Variants in C21orf91 observed in about 807,000 individuals in gnomAD.
C21orf91 encodes the protein chromosome 21 open reading frame 91, also known as protein EURL homolog.
In C21orf91, 26 loss-of-function variants were observed where a neutral mutation model predicts 32.9. That is an observed-to-expected ratio of 0.79 (90% CI 0.58 to 1.10). The LOEUF is 1.10. Among genes scored for constraint, C21orf91 ranks in the 50% least tolerant of loss-of-function variants. The pLI, the probability that C21orf91 is intolerant of heterozygous loss-of-function variation, is 0.00. For synonymous variants in C21orf91, 126 were observed against 120.4 expected (o/e 1.05, Z -0.31); for missense variants, 310 against 341.3 (o/e 0.91, Z 0.72).
chr21:17,818,271 G>A lies in C21orf91; in HGVS notation c.48C>T (p.Asn16=), dbSNP rs776674703. 8 of 1,611,298 alleles carry A rather than the reference G, an allele frequency of 5.0e-6. No individual in the cohort carries two copies. Among genetic ancestry groups the A allele is most frequent in the Non-Finnish European group, 6.8e-6 (8 of 1,177,532 alleles). Residue 16 remains asparagine (N), a synonymous_variant, in exon 2 of 5, where the codon AAC becomes AAT. Transcript: ENST00000284881. The part of the protein sequence containing the change: ...QFVNIDLNDD[N]ICSVCKLGTD... Reference sequence around the variant, plus strand: ...TTCCCAGTTTACAAACACTGCAAATGTTGTCATCATTCAAATCAATGTTTA... The same window carrying A: ...TTCCCAGTTTACAAACACTGCAAATATTGTCATCATTCAAATCAATGTTTA...
intron 2 of C21orf91, chr21:17,810,574 A>G (rs2062626029): frequency 1.3e-5 from 2 of 152,234 alleles, no homozygotes; most frequent in South Asian, 4.1e-4. Flanking sequence ...CGACATCTTC[A>G]CCTGTGCTCA....
At chr21:17,796,538 A>T (rs778867079) in intron 3 of C21orf91, 44 bp downstream of exon 3, 14 of 1,501,410 alleles carry the variant, frequency 9.3e-6, no homozygotes, top group Admixed American at 5.7e-5. Context: ...ATGTACAAAA[A>T]TCCCAAACCA....
intron 2 of C21orf91, among the ~76,000 whole-genome samples, chr21:17,803,306 A>G (rs928441572): frequency 5.9e-5 from 9 of 152,156 alleles, no homozygotes; most frequent in African/African-American, 2.2e-4. Context: ...GGACTGCCTG[A>G]CCCCAGGAAT....
chr21:17,793,571 T>C lies in C21orf91; in HGVS notation c.738A>G (p.Glu246=). The change falls in exon 5 of 5, where the codon GAA becomes GAG. Residue 246 remains glutamate, a synonymous_variant. Transcript: ENST00000284881. ...KLLQQIQEVF[E]ELTHQVQEKD... ...TTTCTTGCACTTGGTGAGTTAACTC[T>C]TCAAAAACTTCTGTAAAAGATTTAA... 1 of 1,605,048 alleles carries C rather than the reference T, an allele frequency of 6.2e-7. No homozygotes were observed. The highest frequency in any genetic ancestry group is 1.1e-5 in the South Asian group (1 of 90,336).
In C21orf91 at chr21:17,796,743, G is replaced by GT. The variant is rs772769196; in HGVS notation, c.502dup (p.Thr168AsnfsTer18). 1.9e-6 allele frequency: 3 copies of GT among 1,614,136 alleles called. No individual in the cohort carries two copies. On this transcript the variant is annotated frameshift_variant, in exon 3 of 5. Coordinates refer to ENST00000284881, the MANE Select transcript of C21orf91 (RefSeq NM_001100420.2). LOFTEE classifies it high-confidence loss of function. Reference sequence around the variant, plus strand: ...TTGTAACATAGAAAGTCCAAAGTCTGTATTTTCCCTCTGCTCCAAAATTCT... The same window carrying GT: ...TTGTAACATAGAAAGTCCAAAGTCTGTTATTTTCCCTCTGCTCCAAAATTCT...
chr21:17,794,861 G>A (rs1455136557), intron 4 of C21orf91, among the ~76,000 whole-genome samples: 1 of 152,008 alleles, frequency 6.6e-6, no homozygotes, highest in African/African-American at 2.4e-5. Flanking sequence ...GAGCCCAGGA[G>A]CTCGAGATCA....
chr21:17,810,706 C>G (rs1052615384), intron 2 of C21orf91: 3 of 152,236 alleles, frequency 2.0e-5, no homozygotes, highest in Admixed American at 1.3e-4. Flanking sequence ...GTTAGAATCA[C>G]TGTTTCATTA....
At position 17,789,966 on chromosome 21, in the gene C21orf91, C is replaced by A. The variant is rs1268513777; in HGVS notation, c.*3449G>T. ...ACTGAAACGGCATCAATTATCTTTG[C>A]CTTACATCTGAACAAAAAGTATTAA... On this transcript the variant is annotated 3_prime_UTR_variant, in exon 5 of 5. Coordinates refer to ENST00000284881, the MANE Select transcript of C21orf91 (RefSeq NM_001100420.2). 6.6e-6 allele frequency: 1 copy of A among 152,074 alleles called. No individual in the cohort carries two copies. The highest frequency in any genetic ancestry group is 1.9e-4 in the East Asian group (1 of 5,200). The allele number at this position is 152,074 out of a possible 1,614,324, so 9.4% of individuals were successfully genotyped here.
At chr21:17,798,723 T>A (rs917389879) in intron 2 of C21orf91, among the ~76,000 whole-genome samples, 11 of 152,194 alleles carry the variant, frequency 7.2e-5, no homozygotes, top group African/African-American at 2.4e-4. Flanking sequence ...AGAGTATACA[T>A]CTTTAAAAAT....
At chr21:17,807,757 C>T (rs573839131) in intron 2 of C21orf91, among the ~76,000 whole-genome samples, 34 of 152,208 alleles carry the variant, frequency 2.2e-4, no homozygotes, top group Admixed American at 7.8e-4. Flanking sequence ...CATTATACCC[C>T]GGTCAAGGGA....
At chr21:17,813,568 C>A (rs549726405) in intron 2 of C21orf91, among the ~76,000 whole-genome samples, 1 of 152,198 alleles carries the variant, frequency 6.6e-6, no homozygotes, top group South Asian at 2.1e-4. Flanking sequence ...TACATACTTA[C>A]TCATCAACTA....
intron 2 of C21orf91, among the ~76,000 whole-genome samples, chr21:17,815,331 A>G (rs1007220628): frequency 6.6e-6 from 1 of 152,148 alleles, no homozygotes; most frequent in African/African-American, 2.4e-5. Context: ...GACCAAAGCT[A>G]GCAATTATAA....
intron 2 of C21orf91, among the ~76,000 whole-genome samples, chr21:17,798,770 CTTTA>C (rs989588313): frequency 1.3e-5 from 2 of 152,122 alleles, no homozygotes; most frequent in African/African-American, 2.4e-5. Flanking sequence ...ACGAGCTCTG[CTTTA>C]TTAAGTTTTA....
intron 2 of C21orf91, among the ~76,000 whole-genome samples, chr21:17,804,732 A>T (rs1364534188): frequency 6.6e-6 from 1 of 152,254 alleles, no homozygotes; most frequent in Non-Finnish European, 1.5e-5. Flanking sequence ...AGTTAATCAA[A>T]GCAGCTTAAT....
Position 17,797,133 on chromosome 21 carries a change from G to A in C21orf91, c.128-15C>T, listed in dbSNP as rs749595779. 9 of 1,529,420 alleles carry A rather than the reference G, an allele frequency of 5.9e-6. No homozygotes were observed. The highest frequency in any genetic ancestry group is 7.0e-6 in the Non-Finnish European group (8 of 1,137,602). 94.7% of individuals were successfully genotyped at this position (1,529,420 alleles called of 1,614,324 possible). ...CTTTGGTACCCCTATGGAAAAAAAAGAGAAACAAAAGACTTGAGAAATTTT... is the reference window on the plus strand; with the variant it reads ...CTTTGGTACCCCTATGGAAAAAAAAAAGAAACAAAAGACTTGAGAAATTTT... On this transcript the variant is annotated splice_polypyrimidine_tract_variant and intron_variant, in intron 2 of 4. Transcript: ENST00000284881.
chr21:17,813,627 T>C (rs922731028), intron 2 of C21orf91, among the ~76,000 whole-genome samples: 1 of 152,208 alleles, frequency 6.6e-6, no homozygotes, highest in African/African-American at 2.4e-5. Flanking sequence ...ACTGAATGTC[T>C]CTTATCTGAA....
At chr21:17,818,409 A>G in intron 1 of C21orf91, 84 bp from the exon 2 acceptor site, 4 of 1,122,622 alleles carry the variant, frequency 3.6e-6, no homozygotes, top group Non-Finnish European at 5.1e-6. Flanking sequence ...CTTCTAGGAA[A>G]TAAGGATGCT....
chr21:17,795,594 A>G (rs908427577), intron 3 of C21orf91, among the ~76,000 whole-genome samples: 3 of 151,984 alleles, frequency 2.0e-5, no homozygotes, highest in Non-Finnish European at 2.9e-5. Context: ...CTCCCACCTC[A>G]GCCTCCCTAG....
intron 3 of C21orf91, among the ~76,000 whole-genome samples, chr21:17,795,664 G>T (rs989343042): frequency 1.3e-5 from 2 of 151,926 alleles, no homozygotes; most frequent in African/African-American, 4.8e-5. Flanking sequence ...GTAGAGATGG[G>T]GTCTCCCTGT....
Sources: gnomAD v4.1 joint callset for allele counts (sites outside exome capture counted in the v4.1 genomes callset) on GRCh38, gnomAD v4.1.1 for gene constraint, MANE v1.5 for transcripts, NCBI Gene and HGNC (gene_info 2026-07-23, HGNC 2026-07-21) for gene names.